The following TLL1 variants were observed in gnomAD, a reference collection of about 807,000 sequenced individuals.
The protein encoded by TLL1 is tolloid like 1, also known as tolloid-like protein 1.
Under a neutral mutation model 128.2 loss-of-function variants are expected in TLL1, and 49 were observed. The observed-to-expected ratio is 0.38, with a 90% confidence interval of 0.30 to 0.48. TLL1 has a LOEUF of 0.48. TLL1 is among the 20% of genes least tolerant of loss of function. The pLI is 0.96. For synonymous variants in TLL1, 454 were observed against 418.8 expected, an observed-to-expected ratio of 1.08 and a Z score of -1.03; for missense variants, 1,123 against 1,242.0, an observed-to-expected ratio of 0.90 and a Z score of 1.44.
At chr4:165,917,295 T>G (rs1238515052) in intron 1 of TLL1, among the ~76,000 whole-genome samples, 1 of 152,184 alleles carries the variant, frequency 6.6e-6, no homozygotes, top group Non-Finnish European at 1.5e-5. Flanking sequence ...CCATTACTCT[T>G]GTACTGTTCT....
chr4:165,888,488 C>G (rs940965999), intron 1 of TLL1, among the ~76,000 whole-genome samples: 3 of 151,922 alleles, frequency 2.0e-5, no homozygotes, highest in African/African-American at 7.2e-5. Flanking sequence ...GTTTAATTGA[C>G]TTAAATCTCT....
At chr4:166,081,999 A>G (rs1741304758) in intron 18 of TLL1, among the ~76,000 whole-genome samples, 1 of 152,186 alleles carries the variant, frequency 6.6e-6, no homozygotes, top group African/African-American at 2.4e-5. Context: ...TAGGACATAA[A>G]GCATGTCTGT....
intron 1 of TLL1, among the ~76,000 whole-genome samples, chr4:165,905,011 T>A (rs572189333): frequency 6.6e-6 from 1 of 152,258 alleles, no homozygotes; most frequent in South Asian, 2.1e-4. Flanking sequence ...ATTAGGCAAA[T>A]GAAGGGCAAT....
intron 1 of TLL1, among the ~76,000 whole-genome samples, chr4:165,974,131 A>ATTTT (rs1735759298): frequency 3.9e-4 from 21 of 53,862 alleles, no homozygotes; most frequent in Admixed American, 6.5e-4. Flanking sequence ...CCTGGACCTC[A>ATTTT]TCTTTTTTTT....
chr4:165,922,854 G>T (rs973035835), intron 1 of TLL1, among the ~76,000 whole-genome samples: 1 of 152,130 alleles, frequency 6.6e-6, no homozygotes, highest in Non-Finnish European at 1.5e-5. Flanking sequence ...CTTACTGAGG[G>T]TTACTATCTG....
At chr4:166,063,698 G>A (rs1444873914) in intron 15 of TLL1, among the ~76,000 whole-genome samples, 1 of 152,088 alleles carries the variant, frequency 6.6e-6, no homozygotes, top group African/African-American at 2.4e-5. Context: ...GTAGAGACAT[G>A]GATGAAGCTG....
At chr4:166,049,028 C>T (rs976752306) in intron 12 of TLL1, among the ~76,000 whole-genome samples, 2 of 152,198 alleles carry the variant, frequency 1.3e-5, no homozygotes, top group African/African-American at 2.4e-5. Context: ...TGTGAGTGAA[C>T]TAAAAAGCCG....
chr4:165,972,212 G>A (rs1054343136), intron 1 of TLL1, among the ~76,000 whole-genome samples: 1 of 152,084 alleles, frequency 6.6e-6, no homozygotes, highest in Non-Finnish European at 1.5e-5. Context: ...TCAAACCTGG[G>A]ACAAGACTCA....
At chr4:166,013,992 T>A (rs188892045) in intron 7 of TLL1, among the ~76,000 whole-genome samples, 31 of 152,014 alleles carry the variant, frequency 2.0e-4, no homozygotes, top group African/African-American at 7.2e-4. Flanking sequence ...AATTAACCTA[T>A]GTATATTTTG....
At chr4:165,965,214 A>G (rs1193636095) in intron 1 of TLL1, among the ~76,000 whole-genome samples, 2 of 152,160 alleles carry the variant, frequency 1.3e-5, no homozygotes, top group Non-Finnish European at 2.9e-5. Flanking sequence ...CTGAAAAGAC[A>G]TAATATGTTT....
chr4:166,074,769 C>G, intron 16 of TLL1, 109 bp from the exon 17 acceptor site: 1 of 1,349,454 alleles, frequency 7.4e-7, no homozygotes, highest in South Asian at 1.2e-5. Context: ...CAGGAGAAAC[C>G]ATGACTTAGT....
intron 1 of TLL1, among the ~76,000 whole-genome samples, chr4:165,906,683 T>C (rs1163659763): frequency 6.6e-6 from 1 of 152,162 alleles, no homozygotes; most frequent in African/African-American, 2.4e-5. Flanking sequence ...GGCTCATCCA[T>C]GAAAGAATTG....
chr4:166,007,695 A>T (rs911236140), intron 6 of TLL1, among the ~76,000 whole-genome samples: 1 of 151,774 alleles, frequency 6.6e-6, no homozygotes, highest in Admixed American at 6.6e-5. Flanking sequence ...CATATAAAAG[A>T]AAGTATGCTT....
At chr4:165,958,291 C>A (rs1327747865) in intron 1 of TLL1, among the ~76,000 whole-genome samples, 1 of 138,252 alleles carries the variant, frequency 7.2e-6, no homozygotes, top group Non-Finnish European at 1.5e-5. Context: ...GCCACACTGA[C>A]TTCCACAATG....
intron 6 of TLL1, among the ~76,000 whole-genome samples, chr4:166,006,727 C>T (rs1185275659): frequency 6.6e-6 from 1 of 151,602 alleles, no homozygotes; most frequent in Non-Finnish European, 1.5e-5. Context: ...ATTATAAGGT[C>T]TGGTTAGTTA....
At chr4:166,090,608 A>C (rs975466423) in intron 18 of TLL1, among the ~76,000 whole-genome samples, 1 of 152,114 alleles carries the variant, frequency 6.6e-6, no homozygotes, top group Non-Finnish European at 1.5e-5. Context: ...TAAGAGCTAA[A>C]TAAACAAATA....
chr4:166,099,182 A>G lies in TLL1; in HGVS notation c.2657-95A>G, dbSNP rs552015746. On this transcript the variant is annotated intron_variant, in intron 19 of 20. Transcript: ENST00000061240. ...CGCTGGAAGTAGAAACAGAAGTTAGACAATGGCTAGGCTACACTGAAACTA... is the reference window on the plus strand; with the variant it reads ...CGCTGGAAGTAGAAACAGAAGTTAGGCAATGGCTAGGCTACACTGAAACTA... The G allele has an allele frequency of 6.1e-5, 95 of 1,567,484 alleles. No individual in the cohort carries two copies. The African/African-American group carries it at 1.2e-3, about 20-fold the overall frequency.
At chr4:166,050,490 C>T (rs1739664044) in intron 12 of TLL1, among the ~76,000 whole-genome samples, 1 of 152,026 alleles carries the variant, frequency 6.6e-6, no homozygotes, top group South Asian at 2.1e-4. Context: ...TATGGTAATT[C>T]TATTTTTTAT....
At chr4:166,075,084 A>G in intron 17 of TLL1, 81 bp downstream of exon 17, 1 of 1,573,588 alleles carries the variant, frequency 6.4e-7, no homozygotes, top group Non-Finnish European at 8.7e-7. Flanking sequence ...AAGTAGAGTT[A>G]ATCATTTCAA....
Sources: gnomAD v4.1 joint callset for allele counts (sites outside exome capture counted in the v4.1 genomes callset) on GRCh38, gnomAD v4.1.1 for gene constraint, MANE v1.5 for transcripts, NCBI Gene and HGNC (gene_info 2026-07-23, HGNC 2026-07-21) for gene names.